The following PKD2L2 variants were observed in gnomAD, a reference collection of about 807,000 sequenced individuals.
The protein encoded by PKD2L2 is polycystin 2 like 2, transient receptor potential cation channel.
Under a neutral mutation model 83.9 loss-of-function variants are expected in PKD2L2, and 67 were observed. The observed-to-expected ratio is 0.80, with a 90% CI of 0.66 to 0.98. PKD2L2 has a LOEUF of 0.98. PKD2L2 is among the 50% of genes least tolerant of loss of function. The pLI is 0.00. For synonymous variants in PKD2L2, 223 were observed against 237.8 expected, an observed-to-expected ratio of 0.94 and a Z score of 0.57; for missense variants, 632 against 717.2, an observed-to-expected ratio of 0.88 and a Z score of 1.36.
At chr5:137,920,257 AAC>A (rs1272956988) in intron 8 of PKD2L2, among the ~76,000 whole-genome samples, 1 of 152,184 alleles carries the variant, frequency 6.6e-6, no homozygotes, top group Non-Finnish European at 1.5e-5. Context: ...ACATAATTTA[AAC>A]TGATATTCCT....
intron 6 of PKD2L2, among the ~76,000 whole-genome samples, chr5:137,907,245 A>C (rs985840373): frequency 1.3e-5 from 2 of 152,224 alleles, no homozygotes; most frequent in Non-Finnish European, 2.9e-5. Context: ...TGAGCATTTG[A>C]GGCAAGAAAA....
At position 137,899,678 on chromosome 5, in the gene PKD2L2, A is replaced by T; in HGVS notation, c.687A>T (p.Arg229Ser). The change falls in exon 5 of 15, where the codon AGA (arginine) becomes AGT (serine). Residue 229 changes from arginine to serine, a missense_variant. By Grantham distance (110) the Arg-to-Ser change is moderately radical. Around this residue, in one of 3 missense-constraint regions of PKD2L2, gnomAD observed 229 missense variants for 281.5 expected, o/e 0.81. Coordinates refer to ENST00000508883, the MANE Select transcript of PKD2L2 (RefSeq NM_001300921.2). ...RLNSWITRGT[R>S]VIFIDFSLYN... ...ACAGCTGGATCACAAGAGGGACTAGAGTTATTTTTATTGATTTTTCCTTAT... is the reference window on the plus strand; with the variant it reads ...ACAGCTGGATCACAAGAGGGACTAGTGTTATTTTTATTGATTTTTCCTTAT... 6.2e-7 allele frequency: 1 copy of T among 1,613,126 alleles called. No individual in the cohort carries two copies. Among genetic ancestry groups the T allele is most frequent in the South Asian group, 1.1e-5 (1 of 90,994 alleles).
At chr5:137,919,213 G>C (rs1758667057) in intron 8 of PKD2L2, among the ~76,000 whole-genome samples, 1 of 152,090 alleles carries the variant, frequency 6.6e-6, no homozygotes, top group African/African-American at 2.4e-5. Context: ...CCATCAAAAA[G>C]TTACAAAACA....
intron 14 of PKD2L2, chr5:137,938,192 T>C (rs2150074008): frequency 6.5e-6 from 1 of 152,710 alleles, no homozygotes; most frequent in East Asian, 1.9e-4. Flanking sequence ...CTTTTACATA[T>C]TCTACTCACA....
At chr5:137,939,801 C>G (rs951883982) in intron 14 of PKD2L2, 3 of 1,179,894 alleles carry the variant, frequency 2.5e-6, no homozygotes, top group Non-Finnish European at 3.2e-6. Flanking sequence ...TTCAGTCATT[C>G]TGTAAGAAAA....
intron 12 of PKD2L2, among the ~76,000 whole-genome samples, chr5:137,931,002 C>T (rs1336213047): frequency 6.6e-6 from 1 of 151,796 alleles, no homozygotes; most frequent in Non-Finnish European, 1.5e-5. Context: ...CATAAACATA[C>T]AAAGTAAGAA....
intron 5 of PKD2L2, 114 bp from the exon 6 acceptor site, chr5:137,906,092 A>G (rs1757341279): frequency 3.2e-6 from 2 of 626,660 alleles, no homozygotes; most frequent in South Asian, 4.6e-5. Flanking sequence ...TACTTTATTA[A>G]AAAAAACTGA....
At position 137,936,345 on chromosome 5, in the gene PKD2L2, G is replaced by C. The variant is rs990857858; in HGVS notation, c.1810G>C (p.Glu604Gln). 2 of 1,531,910 alleles carry C rather than the reference G, an allele frequency of 1.3e-6. No homozygotes were observed. Among genetic ancestry groups the C allele is most frequent in the Non-Finnish European group, 1.7e-6 (2 of 1,142,888 alleles). 94.9% of individuals were successfully genotyped at this position (1,531,910 alleles called of 1,614,324 possible). A position where few individuals can be genotyped will look rare whatever the true frequency, so the allele number is the denominator to read the frequency against. Residue 604 changes from glutamate (E) to glutamine (Q), a missense_variant, in exon 14 of 15, where the codon GAG becomes CAG. Physicochemically the swap from Glu to Gln is conservative, Grantham distance 29. Transcript: ENST00000508883. ...ACTTTTTTTATATGCTGTGGAGCTGGAGAAGGAATTACACTACATCAATTT... is the reference window on the plus strand; with the variant it reads ...ACTTTTTTTATATGCTGTGGAGCTGCAGAAGGAATTACACTACATCAATTT... The part of the protein sequence containing the change: ...RELFLYAVEL[E>Q]KELHYINLKL...
At chr5:137,924,919 A>C in intron 10 of PKD2L2, 121 bp from the exon 11 acceptor site, 1 of 656,928 alleles carries the variant, frequency 1.5e-6, no homozygotes, top group Admixed American at 2.6e-5. Flanking sequence ...ATTTACCTCC[A>C]CAGTCCTTTA....
At chr5:137,892,744 G>A (rs369507963) in intron 3 of PKD2L2, 131 bp downstream of exon 3, 1 of 738,418 alleles carries the variant, frequency 1.4e-6, no homozygotes, top group East Asian at 3.1e-5. Context: ...TAAACTATTA[G>A]AAACAACCAA....
At chr5:137,899,800 G>A (rs1302694750) in intron 5 of PKD2L2, 63 bp downstream of exon 5, 2 of 842,510 alleles carry the variant, frequency 2.4e-6, no homozygotes, top group African/African-American at 1.7e-5. Flanking sequence ...TTCTTTATTA[G>A]TACAGTTGAC....
intron 12 of PKD2L2, among the ~76,000 whole-genome samples, chr5:137,929,548 A>AC (rs1759677603): frequency 6.8e-6 from 1 of 147,814 alleles, no homozygotes; most frequent in Non-Finnish European, 1.5e-5. Context: ...AAAAAAAAAA[A>AC]AAAAAAAAAA....
intron 8 of PKD2L2, among the ~76,000 whole-genome samples, chr5:137,918,873 A>G (rs1412684130): frequency 6.7e-6 from 1 of 149,940 alleles, no homozygotes; most frequent in Non-Finnish European, 1.5e-5. Context: ...GATCCAGACG[A>G]AATAGTTGAG....
chr5:137,898,216 C>T (rs1208104483), intron 4 of PKD2L2, among the ~76,000 whole-genome samples: 1 of 152,196 alleles, frequency 6.6e-6, no homozygotes, highest in African/African-American at 2.4e-5. Context: ...ATCCGCCCAC[C>T]TCAGTCTCCC....
At chr5:137,931,075 A>G (rs950742279) in intron 12 of PKD2L2, among the ~76,000 whole-genome samples, 1 of 152,126 alleles carries the variant, frequency 6.6e-6, no homozygotes, top group Admixed American at 6.5e-5. Flanking sequence ...ACTTTTTTGT[A>G]TAACTCTATG....
At chr5:137,913,864 T>C (rs1388649123) in intron 8 of PKD2L2, among the ~76,000 whole-genome samples, 1 of 150,726 alleles carries the variant, frequency 6.6e-6, no homozygotes, top group African/African-American at 2.4e-5. Flanking sequence ...CTTTCTTTTT[T>C]CTTTTCCTTT....
chr5:137,890,502 A>G lies in PKD2L2; in HGVS notation c.53A>G (p.His18Arg), dbSNP rs1755869561. The G allele has an allele frequency of 1.9e-6, 3 of 1,584,864 alleles. No individual in the cohort carries two copies. Among genetic ancestry groups the G allele is most frequent in the Non-Finnish European group, 2.6e-6 (3 of 1,166,510 alleles). The change falls in exon 2 of 15, where the codon CAT becomes CGT. Residue 18 changes from histidine (H) to arginine (R), a missense_variant. Transcript: ENST00000508883. ...ACAGGGGCTTCGAAACATAAGTTGC[A>G]TTACAGAAAGGAAGTAGAAATTACA... ...HRGGASKHKL[H>R]YRKEVEITTT...
chr5:137,892,574 C>T lies in PKD2L2; in HGVS notation c.228C>T (p.Thr76=). Residue 76 remains threonine (T), a synonymous_variant, in exon 3 of 15, where the codon ACC becomes ACT. Coordinates refer to ENST00000508883, the MANE Select transcript of PKD2L2 (RefSeq NM_001300921.2). ...CTTCTGTGCCTGGTGAAGAAAGAAC[C>T]AACTTTAAGTCCATTCGCAGCATAA... The part of the protein sequence containing the change: ...LDTSVPGEER[T]NFKSIRSITD... The T allele has an allele frequency of 6.2e-7, 1 of 1,611,614 alleles. No homozygotes were observed. Among genetic ancestry groups the T allele is most frequent in the East Asian group, 2.2e-5 (1 of 44,632 alleles).
chr5:137,925,950 A>T lies in PKD2L2; in HGVS notation c.1671+21A>T, dbSNP rs1759343664. 6 of 1,453,760 alleles carry T rather than the reference A, an allele frequency of 4.1e-6. No individual in the cohort carries two copies. In the South Asian group the frequency reaches 5.9e-5, roughly 14 times the overall value. The allele number at this position is 1,453,760 out of a possible 1,614,324, so 90.1% of individuals were successfully genotyped here. ...AAAATGTAAGATTTTAATTTTTTTC[A>T]TAAACACTAGTGGTAGCTGTATTAG... On this transcript the variant is annotated intron_variant, in intron 12 of 14. Transcript: ENST00000508883.
Sources: allele counts gnomAD v4.1 joint callset (sites outside exome capture counted in the v4.1 genomes callset), GRCh38; gene constraint gnomAD v4.1.1; regional missense constraint gnomAD v4.1.1; transcripts MANE v1.5; gene names NCBI Gene and HGNC (gene_info 2026-07-23, HGNC 2026-07-21).